SLC10A7: variants seen among roughly 807,000 people sequenced by gnomAD.
The protein encoded by SLC10A7 is sodium/bile acid cotransporter 7.
A neutral mutation model predicts 43.2 loss-of-function variants in SLC10A7; 29 were observed. That is an observed-to-expected ratio of 0.67 (90% CI 0.50 to 0.92). The LOEUF (loss-of-function observed/expected upper bound fraction) is 0.92. Among genes scored for constraint, SLC10A7 ranks in the 40% least tolerant of loss-of-function variants. The pLI is 0.00. For synonymous variants in SLC10A7, 152 were observed against 144.8 expected (o/e 1.05, Z -0.35); for missense variants, 295 against 403.2 (o/e 0.73, Z 2.30).
intron 2 of SLC10A7, among the ~76,000 whole-genome samples, chr4:146,511,898 T>C (rs1303100618): frequency 6.6e-6 from 1 of 151,880 alleles, no homozygotes; most frequent in Non-Finnish European, 1.5e-5. Context: ...AAACAAATAT[T>C]AGTATTTTTA....
intron 10 of SLC10A7, among the ~76,000 whole-genome samples, chr4:146,281,696 T>C (rs954562090): frequency 2.6e-5 from 4 of 152,134 alleles, no homozygotes; most frequent in African/African-American, 9.7e-5. Flanking sequence ...TTCCTTGAGG[T>C]CAACAACTAA....
rs1185428256 is a variant in SLC10A7, at chr4:146,412,036, G to A, written c.435+30747C>T. On this transcript the variant is annotated intron_variant, in intron 5 of 11. Transcript: ENST00000335472. ...TGCAGACCAGTGGCATTTTCACTTC[G>A]AATTTGTATAGTCTTTAGTCAATAC... Among the ~76,000 whole-genome samples, 5 of 151,966 alleles carry A rather than the reference G, an allele frequency of 3.3e-5. No individual in the cohort carries two copies. The East Asian group carries it at 5.8e-4, about 18-fold the overall frequency.
chr4:146,288,878 A>G (rs1438020548), intron 9 of SLC10A7, among the ~76,000 whole-genome samples: 4 of 151,920 alleles, frequency 2.6e-5, no homozygotes, highest in Non-Finnish European at 4.4e-5. Flanking sequence ...TTTCTTCCCA[A>G]CTGGTCTTTT....
intron 4 of SLC10A7, among the ~76,000 whole-genome samples, chr4:146,445,285 T>C (rs913011026): frequency 6.6e-6 from 1 of 152,166 alleles, no homozygotes; most frequent in Non-Finnish European, 1.5e-5. Flanking sequence ...TGATCCCTTA[T>C]GGGACTCGCG....
At chr4:146,480,431 A>C (rs1037028180) in intron 4 of SLC10A7, among the ~76,000 whole-genome samples, 4 of 152,172 alleles carry the variant, frequency 2.6e-5, no homozygotes, top group Non-Finnish European at 5.9e-5. Flanking sequence ...AAGATGTCCC[A>C]AGGTAGGCAA....
intron 9 of SLC10A7, 48 bp downstream of exon 9, chr4:146,292,881 T>A (rs750672096): frequency 5.9e-6 from 8 of 1,355,022 alleles, no homozygotes; most frequent in Non-Finnish European, 8.3e-6. Context: ...GTAGACCGCA[T>A]GATTCCTAAT....
At chr4:146,387,253 C>T (rs1446711966) in intron 5 of SLC10A7, among the ~76,000 whole-genome samples, 2 of 151,968 alleles carry the variant, frequency 1.3e-5, no homozygotes, top group African/African-American at 4.8e-5. Context: ...AGCAGCACAT[C>T]GAAAAGATAA....
chr4:146,464,810 GT>G (rs1313604417), intron 4 of SLC10A7, among the ~76,000 whole-genome samples: 1 of 152,096 alleles, frequency 6.6e-6, no homozygotes, highest in Admixed American at 6.5e-5. Context: ...ATAGATGACG[GT>G]TTAAATATTT....
intron 5 of SLC10A7, among the ~76,000 whole-genome samples, chr4:146,356,513 C>T (rs1735646196): frequency 6.6e-6 from 1 of 151,794 alleles, no homozygotes; most frequent in South Asian, 2.1e-4. Flanking sequence ...CCTAGATCTT[C>T]CTCCCTCACT....
intron 3 of SLC10A7, among the ~76,000 whole-genome samples, chr4:146,504,647 A>G (rs991661734): frequency 1.3e-5 from 2 of 152,222 alleles, no homozygotes; most frequent in East Asian, 3.8e-4. Flanking sequence ...GAAGTCTCTA[A>G]ATCTTCAAAA....
At chr4:146,433,902 C>T (rs1729992018) in intron 5 of SLC10A7, among the ~76,000 whole-genome samples, 1 of 151,854 alleles carries the variant, frequency 6.6e-6, no homozygotes, top group Non-Finnish European at 1.5e-5. Context: ...GATAGTTTAG[C>T]AATATCAAGA....
intron 5 of SLC10A7, among the ~76,000 whole-genome samples, chr4:146,398,290 C>T (rs1738978205): frequency 6.6e-6 from 1 of 152,160 alleles, no homozygotes; most frequent in Admixed American, 6.5e-5. Context: ...TAATTACATA[C>T]ACTCGTATAT....
chr4:146,416,361 C>A (rs1728567401), intron 5 of SLC10A7, among the ~76,000 whole-genome samples: 2 of 152,066 alleles, frequency 1.3e-5, no homozygotes, highest in African/African-American at 4.8e-5. Context: ...ATATGACGTA[C>A]TTTAAAATAT....
intron 5 of SLC10A7, among the ~76,000 whole-genome samples, chr4:146,362,767 T>C (rs1258122118): frequency 6.6e-6 from 1 of 152,100 alleles, no homozygotes; most frequent in Non-Finnish European, 1.5e-5. Flanking sequence ...CGTGTTTTTT[T>C]CTTTGTGATT....
chr4:146,299,686 T>C (rs537342112), intron 7 of SLC10A7, among the ~76,000 whole-genome samples: 1 of 152,006 alleles, frequency 6.6e-6, no homozygotes, highest in African/African-American at 2.4e-5. Flanking sequence ...AAAAGGGACT[T>C]GAAGATAGAG....
intron 3 of SLC10A7, among the ~76,000 whole-genome samples, chr4:146,505,076 A>G (rs987231122): frequency 4.6e-5 from 7 of 152,200 alleles, no homozygotes; most frequent in African/African-American, 1.7e-4. Context: ...TAGATGACAC[A>G]GAGTATCTGA....
At chr4:146,349,684 A>G (rs1734882334) in intron 5 of SLC10A7, among the ~76,000 whole-genome samples, 1 of 152,208 alleles carries the variant, frequency 6.6e-6, no homozygotes, top group African/African-American at 2.4e-5. Flanking sequence ...CAGCCATAAA[A>G]AGAACAAAAT....
intron 2 of SLC10A7, among the ~76,000 whole-genome samples, chr4:146,510,398 T>C (rs1579378454): frequency 6.6e-6 from 1 of 151,998 alleles, no homozygotes; most frequent in Non-Finnish European, 1.5e-5. Flanking sequence ...TAGTTTGGAC[T>C]ACAGGTGCCT....
intron 5 of SLC10A7, among the ~76,000 whole-genome samples, chr4:146,405,771 T>C (rs1379421896): frequency 6.6e-6 from 1 of 152,180 alleles, no homozygotes; most frequent in Non-Finnish European, 1.5e-5. Context: ...CATTTAATTA[T>C]TTTAACTAAC....
Sources: allele counts gnomAD v4.1 joint callset (sites outside exome capture counted in the v4.1 genomes callset), GRCh38; gene constraint gnomAD v4.1.1; transcripts MANE v1.5; gene names NCBI Gene and HGNC (gene_info 2026-07-23, HGNC 2026-07-21).